Variants in FSHB observed in about 807,000 individuals in gnomAD.
FSHB encodes the protein follicle stimulating hormone subunit beta, also known as follitropin subunit beta.
Under a neutral mutation model 12.1 loss-of-function variants are expected in FSHB, and 8 were observed. The ratio of observed to expected loss-of-function variants is 0.66; its 90% CI spans 0.39 to 1.19. FSHB has a LOEUF of 1.19. FSHB is among the 50% of genes most tolerant of loss of function. The probability of loss-of-function intolerance (pLI) is 0.01; values close to 1 mark genes in which losing one functional copy is unlikely to be tolerated. For synonymous variants in FSHB, 55 were observed against 54.6 expected (o/e 1.01, Z -0.04); for missense variants, 153 against 157.2 (o/e 0.97, Z 0.14).
intron 1 of FSHB, among the ~76,000 whole-genome samples, chr11:30,231,595 T>G (rs1283508219): frequency 1.3e-5 from 2 of 152,212 alleles, no homozygotes; most frequent in Non-Finnish European, 2.9e-5. Context: ...AGTAATTACT[T>G]TATGACAGTC....
rs374203945 is a variant in FSHB at position 30,233,838 on chromosome 11, G to T, written c.*38G>T. The T allele has an allele frequency of 6.2e-5, 95 of 1,541,752 alleles. No individual in the cohort carries two copies. Among genetic ancestry groups the T allele is most frequent in the Non-Finnish European group, 8.2e-5 (92 of 1,117,192 alleles). On this transcript the variant is annotated 3_prime_UTR_variant, in exon 3 of 3. Coordinates refer to ENST00000533718, the MANE Select transcript of FSHB (RefSeq NM_001382289.1). Reference sequence around the variant, plus strand: ...ATTTCAGGCCACATACCCTTGTCCTGAAGGACCAAGATATTCAAAAAGTCT... The same window carrying T: ...ATTTCAGGCCACATACCCTTGTCCTTAAGGACCAAGATATTCAAAAAGTCT...
intron 2 of FSHB, 111 bp downstream of exon 2, chr11:30,232,172 C>T (rs1852017596): frequency 1.8e-6 from 2 of 1,097,880 alleles, no homozygotes; most frequent in Non-Finnish European, 2.7e-6. Context: ...AGCCATGAGT[C>T]CTTTAGCCAA....
intron 1 of FSHB, 57 bp from the exon 2 acceptor site, chr11:30,231,809 C>T: frequency 7.2e-7 from 1 of 1,380,242 alleles, no homozygotes. Flanking sequence ...GATGAGCAGA[C>T]CAATTATTTT....
At chr11:30,232,577 A>C (rs1307773373) in intron 2 of FSHB, among the ~76,000 whole-genome samples, 1 of 152,200 alleles carries the variant, frequency 6.6e-6, no homozygotes, top group Non-Finnish European at 1.5e-5. Flanking sequence ...CAATTCTTGC[A>C]GACTGTTAGA....
In FSHB at chr11:30,235,176, T is replaced by A. The variant is rs891970364; in HGVS notation, c.*1376T>A. 1 of 152,156 alleles carries A rather than the reference T, an allele frequency of 6.6e-6. No homozygotes were observed. The highest frequency in any genetic ancestry group is 2.4e-5 in the African/African-American group (1 of 41,452). The allele number at this position is 152,156 out of a possible 1,614,324, so 9.4% of individuals were successfully genotyped here. A position where few individuals can be genotyped will look rare whatever the true frequency, so the allele number is the denominator to read the frequency against. On this transcript the variant is annotated 3_prime_UTR_variant, in exon 3 of 3. Transcript: ENST00000533718. ...TACCTTTCCTTATCTTTGGAGATAT[T>A]AAAAATAATTTTGTTGGATTTCTGA...
Position 30,231,059 on chromosome 11 carries a change from G to C in FSHB, c.-38+11G>C, listed in dbSNP as rs553726188. ...GGCAGCCGACCACAGGTGAGTCTTG[G>C]CATCTACCGTTTTCAAGTGGTGACA... On this transcript the variant is annotated intron_variant, in intron 1 of 2. Coordinates refer to ENST00000533718, the MANE Select transcript of FSHB (RefSeq NM_001382289.1). 1 of 152,316 alleles carries C rather than the reference G, an allele frequency of 6.6e-6. No homozygotes were observed. The highest frequency in any genetic ancestry group is 2.1e-4 in the South Asian group (1 of 4,830). The allele number at this position is 152,316 out of a possible 1,614,324, so 9.4% of individuals were successfully genotyped here.
intron 2 of FSHB, among the ~76,000 whole-genome samples, chr11:30,232,847 A>G (rs1852027494): frequency 6.6e-6 from 1 of 152,206 alleles, no homozygotes; most frequent in Non-Finnish European, 1.5e-5. Context: ...ATCAAACTCC[A>G]TTTATTACAC....
In FSHB at chr11:30,233,705, C is replaced by T. The variant is rs1185920387; in HGVS notation, c.295C>T (p.Gln99Ter). Residue 99 changes from glutamine to a stop codon, truncating the protein, a stop_gained, in exon 3 of 3, where the codon CAG becomes TAG. Coordinates refer to ENST00000533718, the MANE Select transcript of FSHB (RefSeq NM_001382289.1). LOFTEE classifies it high-confidence loss of function. ...CTTGTATACATACCCAGTGGCCACC[C>T]AGTGTCACTGTGGCAAGTGTGACAG... ...DSLYTYPVAT[Q>*]CHCGKCDSDS... The T allele has an allele frequency of 2.5e-6, 4 of 1,613,884 alleles. No homozygotes were observed. The highest frequency in any genetic ancestry group is 3.4e-6 in the Non-Finnish European group (4 of 1,179,934).
At chr11:30,231,404 G>A (rs2133644551) in intron 1 of FSHB, among the ~76,000 whole-genome samples, 1 of 152,266 alleles carries the variant, frequency 6.6e-6, no homozygotes, top group African/African-American at 2.4e-5. Context: ...CAAGGTCAGA[G>A]GATTGCTTGA....
chr11:30,231,528 C>A (rs1254020459), intron 1 of FSHB, among the ~76,000 whole-genome samples: 2 of 151,922 alleles, frequency 1.3e-5, no homozygotes, highest in Non-Finnish European at 2.9e-5. Context: ...TCTTTTCAGA[C>A]AAAAATAGAC....
chr11:30,231,769 A>T (rs1054380837), intron 1 of FSHB, 97 bp from the exon 2 acceptor site: 2 of 949,764 alleles, frequency 2.1e-6, no homozygotes, highest in Non-Finnish European at 3.3e-6. Flanking sequence ...GAAGGAAAAA[A>T]AACTTTTGAA....
intron 2 of FSHB, among the ~76,000 whole-genome samples, chr11:30,232,569 A>G (rs1852023347): frequency 6.6e-6 from 1 of 152,200 alleles, no homozygotes; most frequent in African/African-American, 2.4e-5. Context: ...AACACAATCA[A>G]TTCTTGCAGA....
At chr11:30,233,004 G>A (rs748336913) in intron 2 of FSHB, among the ~76,000 whole-genome samples, 4 of 152,194 alleles carry the variant, frequency 2.6e-5, no homozygotes, top group Admixed American at 6.5e-5. Context: ...ATTCTTATAT[G>A]CAAACTGCAT....
chr11:30,233,820 G>T lies in FSHB; in HGVS notation c.*20G>T, dbSNP rs1216599521. 1 of 1,593,580 alleles carries T rather than the reference G, an allele frequency of 6.3e-7. No individual in the cohort carries two copies. The highest frequency in any genetic ancestry group is 1.3e-5 in the African/African-American group (1 of 74,462). ...GAATAAAGATCAGTGGACATTTCAGGCCACATACCCTTGTCCTGAAGGACC... is the reference window on the plus strand; with the variant it reads ...GAATAAAGATCAGTGGACATTTCAGTCCACATACCCTTGTCCTGAAGGACC... On this transcript the variant is annotated 3_prime_UTR_variant, in exon 3 of 3. Transcript: ENST00000533718.
In FSHB at chr11:30,233,731, C is replaced by T. The variant is rs542360180; in HGVS notation, c.321C>T (p.Ser107=). The T allele has an allele frequency of 1.4e-5, 23 of 1,614,024 alleles. No homozygotes were observed. Among genetic ancestry groups the T allele is most frequent in the African/African-American group, 1.3e-4 (10 of 75,030 alleles). Residue 107 remains serine, a synonymous_variant, in exon 3 of 3, where the codon AGC becomes AGT. Coordinates refer to ENST00000533718, the MANE Select transcript of FSHB (RefSeq NM_001382289.1). The stretch of plus-strand genomic sequence containing the variant: ...AGTGTCACTGTGGCAAGTGTGACAG[C>T]GACAGCACTGATTGTACTGTGCGAG... ...ATQCHCGKCD[S]DSTDCTVRGL... is the part of the protein sequence containing the mutation.
At position 30,232,455 on chromosome 11, in the gene FSHB, A is replaced by C. The variant is rs919354829; in HGVS notation, c.159+394A>C. Among the ~76,000 whole-genome samples, 35 of 152,222 alleles carry C rather than the reference A, an allele frequency of 2.3e-4. 2 individuals are homozygous for C. The highest frequency in any genetic ancestry group is 4.4e-5 in the Non-Finnish European group (3 of 68,036). On this transcript the variant is annotated intron_variant, in intron 2 of 2. Coordinates refer to ENST00000533718, the MANE Select transcript of FSHB (RefSeq NM_001382289.1). ...ACTGACACTACATCTTTGACACAAA[A>C]TCACACCAAAATATGTCTCCAAGTC...
At chr11:30,232,733 T>C (rs1292823496) in intron 2 of FSHB, among the ~76,000 whole-genome samples, 1 of 152,220 alleles carries the variant, frequency 6.6e-6, no homozygotes, top group Non-Finnish European at 1.5e-5. Context: ...CTTTTTTCTC[T>C]GCAGCACCCC....
intron 1 of FSHB, among the ~76,000 whole-genome samples, chr11:30,231,524 C>A (rs1368070109): frequency 6.6e-6 from 1 of 151,984 alleles, no homozygotes; most frequent in East Asian, 1.9e-4. Context: ...TTTTTCTTTT[C>A]AGACAAAAAT....
Position 30,234,123 on chromosome 11 carries a change from C to T in FSHB, c.*323C>T. ...CCTCTCTCTTAGGGGGAAACATAAG[C>T]CTAGAAGGAGGAAGCAGTAATGGGA... On this transcript the variant is annotated 3_prime_UTR_variant, in exon 3 of 3. Coordinates refer to ENST00000533718, the MANE Select transcript of FSHB (RefSeq NM_001382289.1). The T allele has an allele frequency of 2.8e-6, 1 of 352,968 alleles. No homozygotes were observed. The highest frequency in any genetic ancestry group is 7.0e-5 in the East Asian group (1 of 14,224). The allele number at this position is 352,968 out of a possible 1,614,324, so 21.9% of individuals were successfully genotyped here. A position where few individuals can be genotyped will look rare whatever the true frequency, so the allele number is the denominator to read the frequency against.
Sources: allele counts gnomAD v4.1 joint callset (sites outside exome capture counted in the v4.1 genomes callset), GRCh38; gene constraint gnomAD v4.1.1; transcripts MANE v1.5; gene names NCBI Gene and HGNC (gene_info 2026-07-23, HGNC 2026-07-21).